The following TSPAN8 variants were observed in gnomAD, a reference collection of about 807,000 sequenced individuals.
The protein encoded by TSPAN8 is tetraspanin-8.
A neutral mutation model predicts 32.8 loss-of-function variants in TSPAN8; 21 were observed. The ratio of observed to expected loss-of-function variants is 0.64; its 90% CI spans 0.45 to 0.92. The LOEUF (loss-of-function observed/expected upper bound fraction) is 0.92. TSPAN8 is among the 40% of genes least tolerant of loss of function. The pLI is 0.00. For synonymous variants in TSPAN8, 95 were observed against 94.6 expected, an observed-to-expected ratio of 1.00 and a Z score of -0.03; for missense variants, 269 against 281.9, an observed-to-expected ratio of 0.95 and a Z score of 0.33.
At chr12:71,147,119 A>C (rs1388901855) in intron 2 of TSPAN8, among the ~76,000 whole-genome samples, 3 of 152,102 alleles carry the variant, frequency 2.0e-5, no homozygotes, top group Non-Finnish European at 2.9e-5. Flanking sequence ...TCTGTTGTTT[A>C]AGCCACCCAG....
At chr12:71,139,240 C>T in intron 4 of TSPAN8, 1 of 458,206 alleles carries the variant, frequency 2.2e-6, no homozygotes, top group Non-Finnish European at 4.4e-6. Context: ...CACACCAGCA[C>T]TGTACTGCCA....
intron 3 of TSPAN8, 34 bp from the exon 4 acceptor site, chr12:71,139,882 T>C: frequency 6.3e-7 from 1 of 1,596,814 alleles, no homozygotes; most frequent in Non-Finnish European, 8.5e-7. Context: ...GCAGAAAATT[T>C]ATTTCCTTGA....
At chr12:71,143,305 C>T (rs907216390) in intron 3 of TSPAN8, among the ~76,000 whole-genome samples, 1 of 152,062 alleles carries the variant, frequency 6.6e-6, no homozygotes, top group Admixed American at 6.6e-5. Flanking sequence ...TATTATGTTC[C>T]GTAAAACTGA....
At chr12:71,128,706 A>G (rs1871421938) in intron 8 of TSPAN8, among the ~76,000 whole-genome samples, 1 of 151,270 alleles carries the variant, frequency 6.6e-6, no homozygotes, top group African/African-American at 2.4e-5. Flanking sequence ...CCTATGTGGG[A>G]TATTTTTCCA....
At chr12:71,133,355 G>C (rs1183399844) in intron 6 of TSPAN8, among the ~76,000 whole-genome samples, 1 of 152,140 alleles carries the variant, frequency 6.6e-6, no homozygotes, top group South Asian at 2.1e-4. Context: ...AAAGTGCTGG[G>C]ATTCCAGGCA....
intron 2 of TSPAN8, among the ~76,000 whole-genome samples, chr12:71,145,961 TA>T (rs1872063815): frequency 6.6e-6 from 1 of 152,168 alleles, no homozygotes; most frequent in African/African-American, 2.4e-5. Context: ...CTCAGTGTGA[TA>T]TTTTTTAAAA....
intron 3 of TSPAN8, among the ~76,000 whole-genome samples, chr12:71,142,840 A>C: frequency 1.5e-5 from 1 of 65,406 alleles, no homozygotes; most frequent in Non-Finnish European, 3.5e-5. Context: ...GAGAGAGAGG[A>C]AAAAAACAAA....
intron 2 of TSPAN8, among the ~76,000 whole-genome samples, chr12:71,145,769 T>TAA (rs1485514134): frequency 6.6e-6 from 1 of 152,182 alleles, no homozygotes; most frequent in Non-Finnish European, 1.5e-5. Context: ...TGTTCACTGA[T>TAA]TATCTTCTTT....
chr12:71,130,747 G>T (rs985413497), intron 7 of TSPAN8, among the ~76,000 whole-genome samples: 5 of 152,132 alleles, frequency 3.3e-5, no homozygotes, highest in Admixed American at 2.6e-4. Flanking sequence ...TGAGATTAAT[G>T]ATTATATCTA....
chr12:71,152,429 G>A (rs1872286114), intron 2 of TSPAN8, among the ~76,000 whole-genome samples: 1 of 151,970 alleles, frequency 6.6e-6, no homozygotes, highest in South Asian at 2.1e-4. Flanking sequence ...ATAAAATACT[G>A]GTTGAAATGT....
intron 2 of TSPAN8, among the ~76,000 whole-genome samples, chr12:71,153,292 A>G (rs1872317006): frequency 6.6e-6 from 1 of 152,232 alleles, no homozygotes; most frequent in African/African-American, 2.4e-5. Context: ...CCTATAATTT[A>G]TCTATTATCT....
At chr12:71,157,441 G>T in intron 2 of TSPAN8, 178 bp downstream of exon 2, 1 of 525,306 alleles carries the variant, frequency 1.9e-6, no homozygotes, top group Non-Finnish European at 3.4e-6. Context: ...TGAGTCCTTG[G>T]CTCATTTTCA....
At chr12:71,146,175 T>A (rs903868960) in intron 2 of TSPAN8, among the ~76,000 whole-genome samples, 2 of 152,200 alleles carry the variant, frequency 1.3e-5, no homozygotes, top group Non-Finnish European at 2.9e-5. Flanking sequence ...GCCCAACTAA[T>A]CTTCAGAATT....
At chr12:71,151,230 A>AT (rs572400042) in intron 2 of TSPAN8, among the ~76,000 whole-genome samples, 77 of 151,922 alleles carry the variant, frequency 5.1e-4, no homozygotes, top group African/African-American at 1.8e-3. Context: ...CGCCCAGCTA[A>AT]TTTTTTGTAT....
chr12:71,153,718 G>A (rs902691968), intron 2 of TSPAN8, among the ~76,000 whole-genome samples: 1 of 152,192 alleles, frequency 6.6e-6, no homozygotes, highest in Non-Finnish European at 1.5e-5. Context: ...GCATAGACGG[G>A]AGAGTAGATA....
rs1464636997 is a variant in TSPAN8, at chr12:71,157,942, C to T, written c.-122G>A. 5 of 432,232 alleles carry T rather than the reference C, an allele frequency of 1.2e-5. No individual in the cohort carries two copies. Among genetic ancestry groups the T allele is most frequent in the Non-Finnish European group, 1.7e-5 (4 of 241,310 alleles). 26.8% of individuals were successfully genotyped at this position (432,232 alleles called of 1,614,324 possible). Reference sequence around the variant, plus strand: ...GCTATTAACTCACACATTTAAATATCGCAAAGGCTATCTCCAGGCAAGTAT... The same window carrying T: ...GCTATTAACTCACACATTTAAATATTGCAAAGGCTATCTCCAGGCAAGTAT... On this transcript the variant is annotated 5_prime_UTR_variant, in exon 1 of 9. Transcript: ENST00000247829.
At chr12:71,145,558 A>C (rs1289748307) in intron 2 of TSPAN8, among the ~76,000 whole-genome samples, 3 of 152,170 alleles carry the variant, frequency 2.0e-5, no homozygotes, top group Non-Finnish European at 2.9e-5. Context: ...GTGTTTGAAA[A>C]CTTTCCTTAC....
At chr12:71,149,896 CA>C (rs1167569187) in intron 2 of TSPAN8, among the ~76,000 whole-genome samples, 1 of 152,046 alleles carries the variant, frequency 6.6e-6, no homozygotes, top group Non-Finnish European at 1.5e-5. Context: ...TGGGGTCGAG[CA>C]AAAAGAGCCA....
At chr12:71,139,873 C>T (rs1241511071) in intron 3 of TSPAN8, 25 bp from the exon 4 acceptor site, 9 of 1,568,702 alleles carry the variant, frequency 5.7e-6, no homozygotes, top group Non-Finnish European at 7.8e-6. Flanking sequence ...AGATTAATGG[C>T]AGAAAATTTA....
Sources: gnomAD v4.1 joint callset for allele counts (sites outside exome capture counted in the v4.1 genomes callset) on GRCh38, gnomAD v4.1.1 for gene constraint, MANE v1.5 for transcripts, NCBI Gene and HGNC (gene_info 2026-07-23, HGNC 2026-07-21) for gene names.